Variants in FKBP6 observed in about 807,000 individuals in gnomAD.
FKBP6 encodes the protein inactive peptidyl-prolyl cis-trans isomerase FKBP6.
Under a neutral mutation model 41.7 loss-of-function variants are expected in FKBP6, and 29 were observed. The ratio of observed to expected loss-of-function variants is 0.70; its 90% CI spans 0.52 to 0.95. The LOEUF is 0.95. FKBP6 is among the 40% of genes least tolerant of loss of function. FKBP6 has a pLI of 0.00. For synonymous variants in FKBP6, 130 were observed against 165.1 expected (o/e 0.79, Z 1.63); for missense variants, 338 against 408.7 (o/e 0.83, Z 1.49).
intron 8 of FKBP6, among the ~76,000 whole-genome samples, chr7:73,344,693 T>C (rs1805288826): frequency 6.6e-6 from 1 of 152,128 alleles, no homozygotes; most frequent in Non-Finnish European, 1.5e-5. Flanking sequence ...CAAGTGATCC[T>C]CCTGCCTCAG....
intron 5 of FKBP6, among the ~76,000 whole-genome samples, chr7:73,338,599 T>C (rs73360429): frequency 0.031 from 4,769 of 152,348 alleles, 245 homozygotes; most frequent in African/African-American, 0.11. Context: ...CCACGAGTAA[T>C]GTGCGAAGCT....
chr7:73,351,288 C>T (rs1805483727), intron 8 of FKBP6, among the ~76,000 whole-genome samples: 1 of 152,182 alleles, frequency 6.6e-6, no homozygotes, highest in Admixed American at 6.5e-5. Flanking sequence ...CCTCAGCCTC[C>T]CAACGTGCTG....
chr7:73,352,063 T>C (rs750600616), intron 8 of FKBP6, among the ~76,000 whole-genome samples: 5 of 152,182 alleles, frequency 3.3e-5, no homozygotes, highest in Non-Finnish European at 7.3e-5. Context: ...CCTCCTGGGC[T>C]CAGGCAGTCC....
At chr7:73,337,309 C>CTTTTTT (rs5884903) in intron 5 of FKBP6, among the ~76,000 whole-genome samples, 37 of 112,458 alleles carry the variant, frequency 3.3e-4, no homozygotes, top group Non-Finnish European at 4.9e-4. Flanking sequence ...CTTCCATGTT[C>CTTTTTT]TTTTTTTTTT....
chr7:73,350,777 G>A (rs1299547086), intron 8 of FKBP6, among the ~76,000 whole-genome samples: 3 of 152,122 alleles, frequency 2.0e-5, no homozygotes, highest in Non-Finnish European at 2.9e-5. Flanking sequence ...CCGGAGCAGC[G>A]GGCCCTCAGC....
rs782263519 is a variant in FKBP6, at chr7:73,330,147, C to T, written c.266-3C>T. 8.1e-6 allele frequency: 13 copies of T among 1,611,142 alleles called. No homozygotes were observed. Among genetic ancestry groups the T allele is most frequent in the African/African-American group, 4.0e-5 (3 of 74,848 alleles). ...CACCCACCTTCTTTGTCCATTCTTA[C>T]AGATATTACACTGTGGGGCATGGAG... On this transcript the variant is annotated splice_region_variant and splice_polypyrimidine_tract_variant and intron_variant, in intron 3 of 8. Coordinates refer to ENST00000252037, the MANE Select transcript of FKBP6 (RefSeq NM_003602.5).
intron 5 of FKBP6, among the ~76,000 whole-genome samples, chr7:73,333,135 G>A (rs1213767755): frequency 3.9e-5 from 6 of 151,962 alleles, no homozygotes; most frequent in Non-Finnish European, 7.4e-5. Flanking sequence ...TGCTGGCATG[G>A]TGGTGGGTGC....
intron 8 of FKBP6, among the ~76,000 whole-genome samples, chr7:73,356,200 C>T (rs1463300124): frequency 2.6e-5 from 4 of 151,682 alleles, no homozygotes; most frequent in African/African-American, 9.7e-5. Context: ...AGAACTACGT[C>T]GTTTTTAAGA....
At chr7:73,353,259 A>C (rs1805538977) in intron 8 of FKBP6, among the ~76,000 whole-genome samples, 1 of 152,186 alleles carries the variant, frequency 6.6e-6, no homozygotes. Flanking sequence ...AAGATCCTTC[A>C]TTTAACCACA....
Position 73,342,849 on chromosome 7 carries a change from C to T in FKBP6, c.936C>T (p.His312=), listed in dbSNP as rs782225332. The change falls in exon 8 of 9, where the codon CAC becomes CAT. Residue 312 remains histidine (H), a synonymous_variant. Coordinates refer to ENST00000252037, the MANE Select transcript of FKBP6 (RefSeq NM_003602.5). ...TGGATAAAGAGAAAGAAATGTGGCA[C>T]CGCATGTTCGCGCCCTGTGGCGATG... ...DYVDKEKEMW[H]RMFAPCGDGS... is the part of the protein sequence containing the mutation. 2 of 1,613,982 alleles carry T rather than the reference C, an allele frequency of 1.2e-6. No individual in the cohort carries two copies. Among genetic ancestry groups the T allele is most frequent in the Non-Finnish European group, 1.7e-6 (2 of 1,179,906 alleles).
intron 8 of FKBP6, among the ~76,000 whole-genome samples, chr7:73,351,179 G>A (rs991034404): frequency 6.6e-6 from 1 of 152,176 alleles, no homozygotes; most frequent in Middle Eastern, 3.4e-3. Context: ...ACAGACATGC[G>A]CTACCACTCC....
intron 8 of FKBP6, among the ~76,000 whole-genome samples, 200 bp from the exon 9 acceptor site, chr7:73,357,981 T>G: frequency 7.0e-6 from 1 of 143,278 alleles, no homozygotes. Context: ...AGTAAGGCTC[T>G]GTCTCAAAAA....
rs1264251216 is a variant in FKBP6, at chr7:73,329,419, A to G, written c.235A>G (p.Lys79Glu). Residue 79 changes from lysine to glutamate, a missense_variant, in exon 3 of 9, where the codon AAA becomes GAA. Lys to Glu is a moderately conservative substitution (Grantham distance 56, BLOSUM62 1). Transcript: ENST00000252037. ...DRPFDSNYFR[K>E]TPRLMKLGED... The stretch of plus-strand genomic sequence containing the variant: ...ACCCTTCGATTCTAATTACTTTAGG[A>G]AAACTCCTCGGCTAATGAAACTTGG... The G allele has an allele frequency of 6.2e-7, 1 of 1,608,080 alleles. No homozygotes were observed. Among genetic ancestry groups the G allele is most frequent in the Non-Finnish European group, 8.5e-7 (1 of 1,174,618 alleles).
chr7:73,336,943 G>A (rs1554548644), intron 5 of FKBP6: 1 of 319,740 alleles, frequency 3.1e-6, no homozygotes, highest in East Asian at 8.9e-5. Context: ...CAGAAGAAGG[G>A]AATGACTTGA....
In FKBP6 at chr7:73,340,641, C is replaced by G; in HGVS notation, c.592C>G (p.Leu198Val). Residue 198 changes from leucine to valine, a missense_variant, in exon 6 of 9, where the codon CTA (leucine) becomes GTA (valine). Coordinates refer to ENST00000252037, the MANE Select transcript of FKBP6 (RefSeq NM_003602.5). ...CATCTGCCTTCCCTCTCCACAGGCCCTATTGCTTCTGCGCCGGCGATCAGC... is the reference window on the plus strand; with the variant it reads ...CATCTGCCTTCCCTCTCCACAGGCCGTATTGCTTCTGCGCCGGCGATCAGC... ...YDAKVRYKRA[L>V]LLLRRRSAPP... is the part of the protein sequence containing the mutation. 6.2e-7 allele frequency: 1 copy of G among 1,613,324 alleles called. No homozygotes were observed.
intron 5 of FKBP6, among the ~76,000 whole-genome samples, chr7:73,339,433 A>T (rs552646448): frequency 6.6e-6 from 1 of 152,324 alleles, no homozygotes; most frequent in South Asian, 2.1e-4. Context: ...ATTGATCTAC[A>T]TGTCTGTCCT....
intron 4 of FKBP6, among the ~76,000 whole-genome samples, chr7:73,330,712 T>C (rs1804813934): frequency 1.3e-5 from 2 of 152,214 alleles, no homozygotes; most frequent in African/African-American, 4.8e-5. Flanking sequence ...GGTGACTGAA[T>C]AATTGATTGT....
rs1166866682 is a variant in FKBP6 at position 73,344,440 on chromosome 7, T to C, written c.*2+1541T>C. On this transcript the variant is annotated intron_variant, in intron 8 of 8. Coordinates refer to ENST00000252037, the MANE Select transcript of FKBP6 (RefSeq NM_003602.5). ...TGTTCTAAAGTAGCCACCACTGTCA[T>C]ATTGCCACTGCTGTCACAGTTGTGA... Among the ~76,000 whole-genome samples the C allele has an allele frequency of 2.0e-5, 3 of 152,258 alleles. No homozygotes were observed. In the East Asian group the frequency reaches 5.8e-4, roughly 29 times the overall value.
rs1378516599 is a variant in FKBP6, at chr7:73,331,564, T to C, written c.469-93T>C. 3.8e-6 allele frequency: 5 copies of C among 1,303,330 alleles called. No individual in the cohort carries two copies. The East Asian group carries it at 1.2e-4, about 30-fold the overall frequency. The allele number at this position is 1,303,330 out of a possible 1,614,324, so 80.7% of individuals were successfully genotyped here. ...GTTCTCACTATGTTGCCCAGGCTGG[T>C]CTCGAACTCCTGGGCTCACGTGTAC... On this transcript the variant is annotated intron_variant, in intron 4 of 8. Transcript: ENST00000252037.
Sources: gnomAD v4.1 joint callset for allele counts (sites outside exome capture counted in the v4.1 genomes callset) on GRCh38, gnomAD v4.1.1 for gene constraint, MANE v1.5 for transcripts, NCBI Gene and HGNC (gene_info 2026-07-23, HGNC 2026-07-21) for gene names.